Variants in PPARD observed in about 807,000 individuals in gnomAD.
PPARD encodes peroxisome proliferator-activated receptor delta.
In PPARD, 6 loss-of-function variants were observed where a neutral mutation model predicts 39.5. That is an observed-to-expected ratio of 0.15 (90% CI 0.08 to 0.30). PPARD has a LOEUF of 0.30. PPARD is among the 10% of genes least tolerant of loss of function. PPARD has a pLI of 1.00. For missense variants in PPARD, 397 were observed against 596.8 expected (o/e 0.67, Z 3.49); for synonymous variants, 210 against 231.3 (o/e 0.91, Z 0.83).
chr6:35,422,245 G>T (rs1458445929), intron 5 of PPARD, among the ~76,000 whole-genome samples: 2 of 152,214 alleles, frequency 1.3e-5, no homozygotes, highest in African/African-American at 2.4e-5. Context: ...GAAGGGAACT[G>T]ATAATTGATA....
intron 3 of PPARD, among the ~76,000 whole-genome samples, chr6:35,417,607 C>T (rs1351064889): frequency 2.0e-5 from 3 of 151,876 alleles, no homozygotes; most frequent in African/African-American, 4.8e-5. Flanking sequence ...TCACTGCAGC[C>T]TCCGCCCCCC....
At chr6:35,384,198 C>T (rs1427179506) in intron 2 of PPARD, among the ~76,000 whole-genome samples, 1 of 141,100 alleles carries the variant, frequency 7.1e-6, no homozygotes, top group Non-Finnish European at 1.5e-5. Context: ...CCAGCGGCCC[C>T]GTCCGGGAGG....
intron 2 of PPARD, among the ~76,000 whole-genome samples, chr6:35,351,183 G>T (rs1014976805): frequency 6.6e-6 from 1 of 151,792 alleles, no homozygotes; most frequent in Admixed American, 6.6e-5. Flanking sequence ...CCGCCACCAC[G>T]CCCAGCTAAT....
chr6:35,413,715 T>C (rs1765573853), intron 3 of PPARD, among the ~76,000 whole-genome samples: 1 of 150,672 alleles, frequency 6.6e-6, no homozygotes, highest in Admixed American at 6.6e-5. Flanking sequence ...AGAGCCTGGC[T>C]CTGTCGCTCA....
At chr6:35,386,574 C>G (rs912679403) in intron 2 of PPARD, among the ~76,000 whole-genome samples, 2 of 152,082 alleles carry the variant, frequency 1.3e-5, no homozygotes, top group African/African-American at 4.8e-5. Flanking sequence ...GACGGAATAA[C>G]TTCAAGGAGA....
chr6:35,420,386 C>A, intron 4 of PPARD, 105 bp downstream of exon 4: 1 of 1,407,114 alleles, frequency 7.1e-7, no homozygotes, highest in Non-Finnish European at 9.4e-7. Flanking sequence ...CTGACTGTAC[C>A]TATTGCAGAA....
Position 35,412,566 on chromosome 6 carries a change from G to C in PPARD, c.130+1349G>C, listed in dbSNP as rs1053013514. On this transcript the variant is annotated intron_variant, in intron 3 of 7. Coordinates refer to ENST00000360694, the MANE Select transcript of PPARD (RefSeq NM_006238.5). This position sits in a 1 kb window ranked among gnomAD's most constrained non-coding sequence, Gnocchi z 4.1. ...GGCTCCTGTTTGGGTCTGCAGCTAA[G>C]ATGGGTCTGAATCCTGGAGCCACAC... Among the ~76,000 whole-genome samples, 4 of 152,212 alleles carry C rather than the reference G, an allele frequency of 2.6e-5. No homozygotes were observed. The highest frequency in any genetic ancestry group is 1.3e-4 in the Admixed American group (2 of 15,278).
chr6:35,352,120 C>T (rs1761294079), intron 2 of PPARD, among the ~76,000 whole-genome samples: 1 of 152,132 alleles, frequency 6.6e-6, no homozygotes, highest in Non-Finnish European at 1.5e-5. Flanking sequence ...TCATTCCTGC[C>T]TTGGCCTCCC....
rs1194427171 is a variant in PPARD, at chr6:35,424,498, G to A, written c.797G>A (p.Ser266Asn). ...TVRELTEFAK[S>N]IPSFSSLFLN... ...CGGGAGCTCACTGAGTTCGCCAAGAGCATCCCCAGCTTCAGCAGCCTCTTC... is the reference window on the plus strand; with the variant it reads ...CGGGAGCTCACTGAGTTCGCCAAGAACATCCCCAGCTTCAGCAGCCTCTTC... The change falls in exon 7 of 8, where the codon AGC (serine) becomes AAC (asparagine). Residue 266 changes from serine to asparagine, a missense_variant. Coordinates refer to ENST00000360694, the MANE Select transcript of PPARD (RefSeq NM_006238.5). The surrounding 1 kb of genome is among the most constrained non-coding windows in gnomAD (Gnocchi z 7.1). 2 of 1,614,096 alleles carry A rather than the reference G, an allele frequency of 1.2e-6. No individual in the cohort carries two copies. The highest frequency in any genetic ancestry group is 1.6e-4 in the Middle Eastern group (1 of 6,084).
intron 2 of PPARD, chr6:35,348,490 T>C: frequency 1.0e-6 from 1 of 985,448 alleles, no homozygotes; most frequent in Non-Finnish European, 1.2e-6. Flanking sequence ...CAATGTTCAT[T>C]GTCCTATTTG....
At chr6:35,352,670 C>T (rs7771474) in intron 2 of PPARD, among the ~76,000 whole-genome samples, 7,162 of 152,128 alleles carry the variant, frequency 0.047, 379 homozygotes, top group African/African-American at 0.13. Context: ...GAAGACGGGG[C>T]AGGTGTCATC....
chr6:35,351,513 G>C (rs73411755), intron 2 of PPARD, among the ~76,000 whole-genome samples: 7,211 of 152,068 alleles, frequency 0.047, 399 homozygotes, highest in African/African-American at 0.14. Context: ...GTTTTCTCTT[G>C]AAAGTTTGAT....
chr6:35,354,181 G>A (rs1424384401), intron 2 of PPARD, among the ~76,000 whole-genome samples: 2 of 138,222 alleles, frequency 1.4e-5, no homozygotes, highest in Admixed American at 7.5e-5. Flanking sequence ...GCAGTGAGCC[G>A]AGTGCATGCC....
chr6:35,414,913 C>CA (rs924818896), intron 3 of PPARD, among the ~76,000 whole-genome samples: 3 of 152,148 alleles, frequency 2.0e-5, no homozygotes, highest in Admixed American at 1.3e-4. Context: ...ACCCTCCCCC[C>CA]AGCCAGGCAG....
Position 35,425,772 on chromosome 6 carries a change from T to TGGAA in PPARD, c.1079-58_1079-55dup. 6.3e-7 allele frequency: 1 copy of TGGAA among 1,586,916 alleles called. No individual in the cohort carries two copies. On this transcript the variant is annotated intron_variant, in intron 7 of 7. Transcript: ENST00000360694. This position sits in a 1 kb window ranked among gnomAD's most constrained non-coding sequence, Gnocchi z 4.5. ...CCCTGGGCCAAGTCACCTCTTGGGG[T>TGGAA]GGAAGTAGGGGAGCTCCACTGCCTT...
chr6:35,420,096 G>T, intron 3 of PPARD, 31 bp from the exon 4 acceptor site: 1 of 1,603,760 alleles, frequency 6.2e-7, no homozygotes, highest in South Asian at 1.1e-5. Flanking sequence ...CTGGCAGCAT[G>T]TGGAGCTGCC....
rs201100693 is a variant in PPARD, at chr6:35,425,132, G to C, written c.1078+353G>C. 6.2e-6 allele frequency: 5 copies of C among 805,594 alleles called. No individual in the cohort carries two copies. The highest frequency in any genetic ancestry group is 7.8e-6 in the Non-Finnish European group (5 of 639,238). The allele number at this position is 805,594 out of a possible 1,614,324, so 49.9% of individuals were successfully genotyped here. A position where few individuals can be genotyped will look rare whatever the true frequency, so the allele number is the denominator to read the frequency against. On this transcript the variant is annotated intron_variant, in intron 7 of 7. Coordinates refer to ENST00000360694, the MANE Select transcript of PPARD (RefSeq NM_006238.5). This position sits in a 1 kb window ranked among gnomAD's most constrained non-coding sequence, Gnocchi z 4.5. ...TACTAAAAATACAAAAAATTAGCCA[G>C]ATGTGGTGGCACGCGCCTGTAATCC...
intron 3 of PPARD, among the ~76,000 whole-genome samples, chr6:35,413,794 C>A (rs1765580034): frequency 6.6e-6 from 1 of 152,042 alleles, no homozygotes; most frequent in African/African-American, 2.4e-5. Context: ...AGCGATTCTC[C>A]TGCCTCAGCC....
At chr6:35,376,606 G>A (rs1385427084) in intron 2 of PPARD, among the ~76,000 whole-genome samples, 1 of 152,194 alleles carries the variant, frequency 6.6e-6, no homozygotes, top group Non-Finnish European at 1.5e-5. Context: ...GCGGGGCCAT[G>A]AGTGTTTCAG....
Sources: gnomAD v4.1 joint callset for allele counts (sites outside exome capture counted in the v4.1 genomes callset) on GRCh38, gnomAD v4.1.1 for gene constraint, Gnocchi (gnomAD v3.1) non-coding constraint, MANE v1.5 for transcripts, NCBI Gene and HGNC (gene_info 2026-07-23, HGNC 2026-07-21) for gene names.